TOX: variants seen among roughly 807,000 people sequenced by gnomAD.
TOX encodes thymocyte selection-associated high mobility group box protein TOX.
In TOX, 11 loss-of-function variants were observed where a neutral mutation model predicts 53.7. That is an observed-to-expected ratio of 0.20 (90% CI 0.13 to 0.34). The LOEUF (loss-of-function observed/expected upper bound fraction) is 0.34, where lower values mean the gene tolerates loss of function less well. Among genes scored for constraint, TOX ranks in the 10% least tolerant of loss-of-function variants. The pLI, the probability that TOX is intolerant of heterozygous loss-of-function variation, is 1.00. For synonymous variants in TOX, 225 were observed against 245.3 expected, an observed-to-expected ratio of 0.92 and a Z score of 0.77; for missense variants, 570 against 664.6, an observed-to-expected ratio of 0.86 and a Z score of 1.56.
At chr8:58,921,426 A>G (rs1033694564) in intron 3 of TOX, among the ~76,000 whole-genome samples, 4 of 152,238 alleles carry the variant, frequency 2.6e-5, no homozygotes, top group Non-Finnish European at 5.9e-5. Flanking sequence ...ACAATTTGCC[A>G]AAATCCACAT....
At chr8:58,927,252 C>G (rs958405853) in intron 3 of TOX, among the ~76,000 whole-genome samples, 1 of 152,176 alleles carries the variant, frequency 6.6e-6, no homozygotes, top group Non-Finnish European at 1.5e-5. Context: ...GAGGGCAGAA[C>G]TGTGAATGCT....
At chr8:58,968,777 G>C (rs1812948768) in intron 1 of TOX, among the ~76,000 whole-genome samples, 1 of 152,008 alleles carries the variant, frequency 6.6e-6, no homozygotes, top group Non-Finnish European at 1.5e-5. Flanking sequence ...CTCAGTTCTA[G>C]GAACCTCAAA....
At position 58,937,251 on chromosome 8, in the gene TOX, G is replaced by A. The variant is rs531747350; in HGVS notation, c.411+2051C>T. On this transcript the variant is annotated intron_variant, in intron 3 of 8. Coordinates refer to ENST00000361421, the MANE Select transcript of TOX (RefSeq NM_014729.3). ...ATCAGAGCTTCATTCCTTTATCTTA[G>A]GCCAAATAGTAGATTTGTTTCCCCT... is the stretch of plus-strand genomic sequence containing the variant. Among the ~76,000 whole-genome samples the A allele has an allele frequency of 6.6e-5, 10 of 152,284 alleles. No individual in the cohort carries two copies. In the South Asian group the frequency reaches 2.1e-3, roughly 32 times the overall value.
At chr8:58,974,491 T>G (rs1347502453) in intron 1 of TOX, among the ~76,000 whole-genome samples, 1 of 152,208 alleles carries the variant, frequency 6.6e-6, no homozygotes, top group Non-Finnish European at 1.5e-5. Context: ...CTAGGTAATT[T>G]GTACAATGTG....
chr8:58,894,732 A>T (rs2218684), intron 3 of TOX, among the ~76,000 whole-genome samples: 11,892 of 151,998 alleles, frequency 0.078, 717 homozygotes, highest in East Asian at 0.2. Flanking sequence ...CATCTCTACT[A>T]AAAATATAAA....
intron 3 of TOX, among the ~76,000 whole-genome samples, chr8:58,854,014 G>A (rs1181128519): frequency 6.6e-6 from 1 of 152,186 alleles, no homozygotes; most frequent in Non-Finnish European, 1.5e-5. Flanking sequence ...TATGGGCACA[G>A]AGTAATGGCT....
chr8:58,899,276 T>C lies in TOX; in HGVS notation c.411+40026A>G, dbSNP rs1208455787. ...TTCTTTAGCAGGGAAAATTAGCCCT[T>C]GCAGACAACTATTTTAGGAAAAGTG... is the stretch of plus-strand genomic sequence containing the variant. On this transcript the variant is annotated intron_variant, in intron 3 of 8. Coordinates refer to ENST00000361421, the MANE Select transcript of TOX (RefSeq NM_014729.3). 2.6e-5 allele frequency among the ~76,000 whole-genome samples: 4 copies of C among 152,240 alleles called. 1 individual carries two copies. The South Asian group carries it at 8.3e-4, about 31-fold the overall frequency.
At chr8:59,066,803 C>T (rs1389464419) in intron 1 of TOX, among the ~76,000 whole-genome samples, 1 of 152,216 alleles carries the variant, frequency 6.6e-6, no homozygotes, top group East Asian at 1.9e-4. Flanking sequence ...AATTAATTTC[C>T]TTGTTCACTG....
chr8:58,807,718 C>T lies in TOX; in HGVS notation c.*29G>A, dbSNP rs1216939470. The T allele has an allele frequency of 6.2e-7, 1 of 1,613,460 alleles. No homozygotes were observed. Among genetic ancestry groups the T allele is most frequent in the Non-Finnish European group, 8.5e-7 (1 of 1,179,458 alleles). On this transcript the variant is annotated 3_prime_UTR_variant, in exon 9 of 9. Coordinates refer to ENST00000361421, the MANE Select transcript of TOX (RefSeq NM_014729.3). ...ATGGTGAAAACACTTCCCTGAATTC[C>T]TCAGTGGAAAGAAGAGGTGTTCAGA...
At chr8:58,817,275 C>T (rs1023113608) in intron 6 of TOX, among the ~76,000 whole-genome samples, 3 of 152,076 alleles carry the variant, frequency 2.0e-5, no homozygotes, top group Admixed American at 6.5e-5. Context: ...TATAGACTCC[C>T]TGTCTTCAGT....
chr8:59,084,793 G>T (rs370204016), intron 1 of TOX, among the ~76,000 whole-genome samples: 75 of 152,252 alleles, frequency 4.9e-4, no homozygotes, highest in African/African-American at 1.7e-3. Flanking sequence ...AGCTCTCTTA[G>T]GAAGTGTAAA....
chr8:59,013,542 C>T (rs1292373278), intron 1 of TOX, among the ~76,000 whole-genome samples: 1 of 152,034 alleles, frequency 6.6e-6, no homozygotes, highest in Non-Finnish European at 1.5e-5. Flanking sequence ...TCCCGAGTAG[C>T]TGGAACTACA....
chr8:58,920,726 AAAAAAAAAAAGAAAAAAAAGAAG>A (rs1812054488), intron 3 of TOX, among the ~76,000 whole-genome samples: 2 of 96,098 alleles, frequency 2.1e-5, no homozygotes, highest in Admixed American at 2.8e-4. Context: ...AACATTAAAA[AAAAAAAAAAAGAAAAAAAAGAAG>A]AAAAAAAAAA....
intron 3 of TOX, among the ~76,000 whole-genome samples, chr8:58,888,162 C>A (rs1205698231): frequency 6.6e-6 from 1 of 152,012 alleles, no homozygotes; most frequent in South Asian, 2.1e-4. Context: ...ATCATATATG[C>A]GGTCCACTGT....
intron 2 of TOX, among the ~76,000 whole-genome samples, chr8:58,954,158 T>A (rs919350930): frequency 1.3e-5 from 2 of 152,204 alleles, no homozygotes; most frequent in Non-Finnish European, 2.9e-5. Context: ...TATTATCATG[T>A]TAACTCTTTG....
At chr8:59,005,935 T>G (rs1392949419) in intron 1 of TOX, among the ~76,000 whole-genome samples, 1 of 152,234 alleles carries the variant, frequency 6.6e-6, no homozygotes, top group South Asian at 2.1e-4. Flanking sequence ...TAGAGCAGCA[T>G]GCTCCAGGGT....
chr8:58,901,644 T>C (rs1811736262), intron 3 of TOX, among the ~76,000 whole-genome samples: 1 of 152,214 alleles, frequency 6.6e-6, no homozygotes, highest in Admixed American at 6.5e-5. Flanking sequence ...TGGACTTCTC[T>C]ACTTCTAAAG....
chr8:58,978,133 T>C (rs1813137555), intron 1 of TOX, among the ~76,000 whole-genome samples: 1 of 152,172 alleles, frequency 6.6e-6, no homozygotes, highest in African/African-American at 2.4e-5. Flanking sequence ...ATGAGTTTTA[T>C]TTTTTCAACA....
chr8:58,909,581 AT>A (rs1811875080), intron 3 of TOX, among the ~76,000 whole-genome samples: 1 of 152,006 alleles, frequency 6.6e-6, no homozygotes, highest in South Asian at 2.1e-4. Context: ...CAGCATCTAC[AT>A]TTTTAATAAG....
Sources: gnomAD v4.1 joint callset for allele counts (sites outside exome capture counted in the v4.1 genomes callset) on GRCh38, gnomAD v4.1.1 for gene constraint, MANE v1.5 for transcripts, NCBI Gene and HGNC (gene_info 2026-07-23, HGNC 2026-07-21) for gene names.